The following ZDHHC14 variants were observed in gnomAD, a reference collection of about 807,000 sequenced individuals.
ZDHHC14 encodes the protein zDHHC palmitoyltransferase 14.
ZDHHC14 carries 16 observed loss-of-function variants against 47.7 expected under a neutral mutation model. That is an observed-to-expected ratio of 0.34 (90% CI 0.23 to 0.51). The LOEUF is 0.51. Among genes scored for constraint, ZDHHC14 ranks in the 20% least tolerant of loss-of-function variants. ZDHHC14 has a pLI of 0.97. For synonymous variants in ZDHHC14, 293 were observed against 278.9 expected (o/e 1.05, Z -0.50); for missense variants, 515 against 662.5 (o/e 0.78, Z 2.44).
chr6:157,552,243 C>T (rs1262303040), intron 2 of ZDHHC14, among the ~76,000 whole-genome samples: 3 of 152,052 alleles, frequency 2.0e-5, no homozygotes, highest in African/African-American at 7.2e-5. Flanking sequence ...GATGATGGAA[C>T]GGTAGCTCTT....
At chr6:157,405,731 ATTCT>A (rs1398683241) in intron 1 of ZDHHC14, among the ~76,000 whole-genome samples, 4 of 152,314 alleles carry the variant, frequency 2.6e-5, no homozygotes, top group African/African-American at 9.6e-5. Flanking sequence ...ATTATAAGTG[ATTCT>A]TTATTATAAT....
chr6:157,425,252 C>G (rs1409722369), intron 1 of ZDHHC14, among the ~76,000 whole-genome samples: 3 of 152,152 alleles, frequency 2.0e-5, no homozygotes, highest in Non-Finnish European at 2.9e-5. Flanking sequence ...CTTCTAATAT[C>G]TCTTGAAACT....
Position 157,411,946 on chromosome 6 carries a change from C to CT in ZDHHC14, c.245+29690dup, listed in dbSNP as rs200061698. Among the ~76,000 whole-genome samples the CT allele has an allele frequency of 1.6e-3, 234 of 147,076 alleles. 1 individual carries two copies. The highest frequency in any genetic ancestry group is 4.8e-3 in the African/African-American group (193 of 40,238). ...ATATATATATATTTATATTTTATTT[C>CT]TTTTTTTTTTGAGATGGAGTCTCGC... On this transcript the variant is annotated intron_variant, in intron 1 of 8. Transcript: ENST00000359775.
chr6:157,397,427 C>A (rs1777544413), intron 1 of ZDHHC14, among the ~76,000 whole-genome samples: 1 of 152,162 alleles, frequency 6.6e-6, no homozygotes, highest in Non-Finnish European at 1.5e-5. Context: ...AGGGGAAATT[C>A]TCTTTCCTTG....
chr6:157,477,279 C>T (rs1779512287), intron 1 of ZDHHC14, among the ~76,000 whole-genome samples: 1 of 152,112 alleles, frequency 6.6e-6, no homozygotes, highest in Non-Finnish European at 1.5e-5. Context: ...ACTCGAGAGG[C>T]AGAGGCAGGA....
At chr6:157,439,980 A>T (rs572145948) in intron 1 of ZDHHC14, among the ~76,000 whole-genome samples, 1 of 152,064 alleles carries the variant, frequency 6.6e-6, no homozygotes, top group East Asian at 1.9e-4. Flanking sequence ...AGATACAGGG[A>T]GGGGAACAAC....
At chr6:157,464,243 C>T (rs1779157918) in intron 1 of ZDHHC14, among the ~76,000 whole-genome samples, 1 of 152,150 alleles carries the variant, frequency 6.6e-6, no homozygotes, top group South Asian at 2.1e-4. Flanking sequence ...GAGAAGACTA[C>T]AACCTGAAAT....
chr6:157,652,861 G>GT (rs1298951303), intron 7 of ZDHHC14, among the ~76,000 whole-genome samples: 199 of 152,304 alleles, frequency 1.3e-3, no homozygotes, highest in African/African-American at 4.6e-3. Context: ...CTCTGCCCTT[G>GT]GGAGCTTGAT....
At chr6:157,402,619 A>G (rs1222826060) in intron 1 of ZDHHC14, among the ~76,000 whole-genome samples, 3 of 152,192 alleles carry the variant, frequency 2.0e-5, no homozygotes, top group Admixed American at 6.5e-5. Context: ...GATTTTTTGG[A>G]CAATTTCTTG....
intron 1 of ZDHHC14, among the ~76,000 whole-genome samples, chr6:157,516,204 C>A (rs1263054096): frequency 6.6e-6 from 1 of 152,148 alleles, no homozygotes; most frequent in Non-Finnish European, 1.5e-5. Flanking sequence ...ATTGCTGTAT[C>A]ATCCTCCATG....
chr6:157,671,013 C>G (rs75097792), intron 8 of ZDHHC14, among the ~76,000 whole-genome samples: 5,126 of 152,224 alleles, frequency 0.034, 309 homozygotes, highest in African/African-American at 0.12. Flanking sequence ...TCCCTCCCCT[C>G]AAGGCTGCGT....
At chr6:157,563,726 A>G (rs148697161) in intron 2 of ZDHHC14, among the ~76,000 whole-genome samples, 3 of 152,234 alleles carry the variant, frequency 2.0e-5, no homozygotes, top group African/African-American at 4.8e-5. Context: ...CGGATTGCAG[A>G]TGTCCAGACC....
At chr6:157,671,898 G>A (rs1233718069) in intron 8 of ZDHHC14, among the ~76,000 whole-genome samples, 1 of 152,176 alleles carries the variant, frequency 6.6e-6, no homozygotes, top group African/African-American at 2.4e-5. Context: ...TATAAGTTCA[G>A]TAGTATTAAG....
At chr6:157,644,885 GTC>G (rs1199538337) in intron 5 of ZDHHC14, among the ~76,000 whole-genome samples, 2 of 152,174 alleles carry the variant, frequency 1.3e-5, no homozygotes, top group East Asian at 3.8e-4. Flanking sequence ...GACAGAAAAA[GTC>G]TCTGGCCTTT....
intron 3 of ZDHHC14, among the ~76,000 whole-genome samples, chr6:157,617,279 CAGAT>C (rs762712998): frequency 1.3e-5 from 2 of 152,210 alleles, no homozygotes; most frequent in Non-Finnish European, 2.9e-5. Context: ...GAAAGAAACA[CAGAT>C]ATATATGGCC....
At chr6:157,407,286 G>A (rs1777783426) in intron 1 of ZDHHC14, among the ~76,000 whole-genome samples, 1 of 152,150 alleles carries the variant, frequency 6.6e-6, no homozygotes. Flanking sequence ...CCTGGGAAGG[G>A]AGTGAGTGGG....
chr6:157,656,723 A>C (rs560801330), intron 8 of ZDHHC14, among the ~76,000 whole-genome samples: 7 of 133,314 alleles, frequency 5.3e-5, no homozygotes, highest in East Asian at 2.8e-4. Flanking sequence ...AAAAAACAAA[A>C]AAAAAAAAAA....
At chr6:157,394,449 G>C (rs928951747) in intron 1 of ZDHHC14, among the ~76,000 whole-genome samples, 2 of 152,184 alleles carry the variant, frequency 1.3e-5, no homozygotes, top group Non-Finnish European at 2.9e-5. Context: ...CACTTGGGAC[G>C]TGCACCTTTG....
chr6:157,655,785 G>A (rs752428781), intron 8 of ZDHHC14, among the ~76,000 whole-genome samples: 5 of 152,156 alleles, frequency 3.3e-5, no homozygotes, highest in Non-Finnish European at 5.9e-5. Flanking sequence ...ATTGACCACC[G>A]ATGGCAAATG....
Sources: gnomAD v4.1 joint callset for allele counts (sites outside exome capture counted in the v4.1 genomes callset) on GRCh38, gnomAD v4.1.1 for gene constraint, MANE v1.5 for transcripts, NCBI Gene and HGNC (gene_info 2026-07-23, HGNC 2026-07-21) for gene names.